Variants in RDX observed in about 807,000 individuals in gnomAD.
The protein encoded by RDX is deafness, autosomal recessive 24.
In RDX, 32 loss-of-function variants were observed where a neutral mutation model predicts 83.7. The observed-to-expected ratio is 0.38, with a 90% CI of 0.29 to 0.51. The LOEUF is 0.51. Ranked by LOEUF, RDX falls within the 20% of genes least tolerant of loss-of-function variation. The pLI, the probability that RDX is intolerant of heterozygous loss-of-function variation, is 0.87. For synonymous variants in RDX, 229 were observed against 222.7 expected, an observed-to-expected ratio of 1.03 and a Z score of -0.25; for missense variants, 600 against 689.9, an observed-to-expected ratio of 0.87 and a Z score of 1.46.
intron 7 of RDX, 100 bp downstream of exon 7, chr11:110,257,667 G>A (rs1232086487): frequency 8.4e-7 from 1 of 1,186,316 alleles, no homozygotes; most frequent in African/African-American, 1.5e-5. Flanking sequence ...AATAGTAAGG[G>A]TAATCAAGAC....
intron 3 of RDX, among the ~76,000 whole-genome samples, chr11:110,268,312 G>GAAAAAAAA (rs201275055): frequency 7.3e-6 from 1 of 136,584 alleles, no homozygotes. Context: ...CTGTTTCGGG[G>GAAAAAAAA]AAAAAAAAAA....
chr11:110,203,447 T>C (rs1320211376), intron 14 of RDX, among the ~76,000 whole-genome samples: 2 of 147,378 alleles, frequency 1.4e-5, no homozygotes, highest in Non-Finnish European at 3.0e-5. Flanking sequence ...AAAGAATGAA[T>C]AAGACCTAGT....
intron 14 of RDX, among the ~76,000 whole-genome samples, chr11:110,216,385 T>G (rs1864052045): frequency 6.6e-6 from 1 of 151,916 alleles, no homozygotes; most frequent in African/African-American, 2.4e-5. Context: ...TAATTTTTTT[T>G]TTTTTGAAAC....
chr11:110,187,322 T>C (rs1045649976), intron 15 of RDX, among the ~76,000 whole-genome samples: 2 of 152,192 alleles, frequency 1.3e-5, no homozygotes, highest in Non-Finnish European at 2.9e-5. Context: ...CCTGCTCCCA[T>C]GGATTAGCAG....
chr11:110,215,399 A>G (rs1214723687), intron 14 of RDX, among the ~76,000 whole-genome samples: 1 of 150,402 alleles, frequency 6.6e-6, no homozygotes, highest in East Asian at 1.9e-4. Context: ...TAAATAAATA[A>G]ATAAATAAAT....
At chr11:110,208,023 A>G (rs2219650) in intron 14 of RDX, among the ~76,000 whole-genome samples, 67,622 of 150,722 alleles carry the variant, frequency 0.45, 15,369 homozygotes, top group East Asian at 0.61. Context: ...GGGGCACCAT[A>G]TTGCCCAGGC....
intron 14 of RDX, among the ~76,000 whole-genome samples, chr11:110,204,075 C>T (rs919282603): frequency 6.6e-6 from 1 of 151,966 alleles, no homozygotes; most frequent in Non-Finnish European, 1.5e-5. Flanking sequence ...CACTTATGTT[C>T]CACATGGGAC....
chr11:110,259,998 T>C (rs2134370045), intron 5 of RDX, among the ~76,000 whole-genome samples: 1 of 152,190 alleles, frequency 6.6e-6, no homozygotes, highest in East Asian at 1.9e-4. Flanking sequence ...TTTTTTTTTT[T>C]TTCTTTAGAC....
chr11:110,272,702 G>C, intron 2 of RDX, 83 bp from the exon 3 acceptor site: 1 of 908,606 alleles, frequency 1.1e-6, no homozygotes, highest in Non-Finnish European at 1.7e-6. Context: ...TTATTAAAGT[G>C]ATAAAGTTTT....
intron 9 of RDX, among the ~76,000 whole-genome samples, chr11:110,250,612 T>C (rs1859293697): frequency 6.6e-6 from 1 of 152,078 alleles, no homozygotes; most frequent in South Asian, 2.1e-4. Flanking sequence ...GATGTTTCAT[T>C]TGTTCTTCAG....
chr11:110,176,038 G>T lies in RDX; in HGVS notation c.*32-804C>A, dbSNP rs149139315. On this transcript the variant is annotated intron_variant, in intron 15 of 15. Transcript: ENST00000528498. ...ACAGGAGGCCCCTGGGCCAAGGCGG[G>T]TGTGGGTGAGGGCGCACCAGCACCA... Among the ~76,000 whole-genome samples the T allele has an allele frequency of 5.1e-3, 774 of 152,178 alleles. 6 individuals are homozygous for T. Among genetic ancestry groups the T allele is most frequent in the African/African-American group, 0.018 (751 of 41,528 alleles).
intron 3 of RDX, among the ~76,000 whole-genome samples, chr11:110,265,224 G>T (rs1175066004): frequency 6.6e-6 from 1 of 151,202 alleles, no homozygotes; most frequent in African/African-American, 2.4e-5. Flanking sequence ...CAAAGTAGCT[G>T]TGATTACAGG....
In RDX at chr11:110,257,841, T is replaced by G. The variant is rs781203316; in HGVS notation, c.624A>C (p.Ile208=). The G allele has an allele frequency of 1.9e-6, 3 of 1,612,790 alleles. No individual in the cohort carries two copies. The highest frequency in any genetic ancestry group is 2.2e-5 in the East Asian group (1 of 44,764). ...LEMYGVNYFE[I]KNKKGTELWL... Reference sequence around the variant, plus strand: ...ACAATTCAGTTCCTTTTTTATTTTTTATTTCAAAATAGTTGACTCCATACA... The same window carrying G: ...ACAATTCAGTTCCTTTTTTATTTTTGATTTCAAAATAGTTGACTCCATACA... Residue 208 remains isoleucine (I), a synonymous_variant, in exon 7 of 14, where the codon ATA becomes ATC. Transcript: ENST00000645495.
chr11:110,249,508 T>C (rs937765425), intron 9 of RDX, among the ~76,000 whole-genome samples: 2 of 152,300 alleles, frequency 1.3e-5, no homozygotes, highest in South Asian at 4.1e-4. Context: ...CAAACACTGA[T>C]GGTGACCTCC....
intron 9 of RDX, among the ~76,000 whole-genome samples, chr11:110,249,894 T>G (rs1001734491): frequency 1.3e-5 from 2 of 151,992 alleles, no homozygotes; most frequent in Non-Finnish European, 2.9e-5. Context: ...ACAAAAAAAC[T>G]AGGGCCTGGT....
chr11:110,187,226 A>G (rs1029912683), intron 15 of RDX, among the ~76,000 whole-genome samples: 3 of 152,114 alleles, frequency 2.0e-5, no homozygotes, highest in African/African-American at 7.2e-5. Context: ...AACAGCCTGA[A>G]CTGCTCCAGT....
chr11:110,185,508 T>G lies in RDX; in HGVS notation c.*32-10274A>C, dbSNP rs182088552. The G allele has an allele frequency of 1.4e-4, 21 of 152,372 alleles. No individual in the cohort carries two copies. In the East Asian group the frequency reaches 3.9e-3, roughly 28 times the overall value. The allele number at this position is 152,372 out of a possible 1,614,324, so 9.4% of individuals were successfully genotyped here. On this transcript the variant is annotated intron_variant, in intron 15 of 15. Transcript: ENST00000528498. ...GGAACTTGTCTGAAATGCAAATTCT[T>G]GGGCCCCACTGCTGACATGCTGAAT...
intron 10 of RDX, 180 bp from the exon 11 acceptor site, chr11:110,237,832 A>T: frequency 1.4e-6 from 1 of 723,398 alleles, no homozygotes; most frequent in Non-Finnish European, 2.4e-6. Flanking sequence ...GCCCAGGCTG[A>T]AGTGCAGAAG....
chr11:110,252,634 A>G (rs1324055327), intron 9 of RDX, among the ~76,000 whole-genome samples: 11 of 152,242 alleles, frequency 7.2e-5, no homozygotes, highest in African/African-American at 2.4e-5. Context: ...GGCTATGTGT[A>G]TAAGAATGTA....
Sources: allele counts gnomAD v4.1 joint callset (sites outside exome capture counted in the v4.1 genomes callset), GRCh38; gene constraint gnomAD v4.1.1; transcripts MANE v1.5; gene names NCBI Gene and HGNC (gene_info 2026-07-23, HGNC 2026-07-21).